Variants in ZNF618 observed in about 807,000 individuals in gnomAD.
ZNF618 encodes zinc finger protein 618.
ZNF618 carries 34 observed loss-of-function variants against 103.0 expected under a neutral mutation model. The observed-to-expected ratio is 0.33, with a 90% confidence interval of 0.25 to 0.44. ZNF618 has a LOEUF of 0.44. Among genes scored for constraint, ZNF618 ranks in the 20% least tolerant of loss-of-function variants. The probability of loss-of-function intolerance (pLI) is 1.00; values close to 1 mark genes in which losing one functional copy is unlikely to be tolerated. For missense variants in ZNF618, 1,059 were observed against 1,295.4 expected (o/e 0.82, Z 2.80); for synonymous variants, 551 against 542.2 (o/e 1.02, Z -0.23).
chr9:113,931,649 C>T (rs1833598865), intron 1 of ZNF618, among the ~76,000 whole-genome samples: 1 of 152,200 alleles, frequency 6.6e-6, no homozygotes, highest in African/African-American at 2.4e-5. Flanking sequence ...GCCCTTGAAA[C>T]TTGGCTAGTC....
intron 10 of ZNF618, among the ~76,000 whole-genome samples, chr9:114,023,653 G>A: frequency 6.6e-6 from 1 of 151,804 alleles, no homozygotes; most frequent in East Asian, 1.9e-4. Flanking sequence ...TATATTGTAG[G>A]TCTATTGGTG....
At chr9:114,006,648 C>A (rs1841782012) in intron 6 of ZNF618, among the ~76,000 whole-genome samples, 1 of 152,186 alleles carries the variant, frequency 6.6e-6, no homozygotes, top group Admixed American at 6.5e-5. Flanking sequence ...CCCTCAGTTT[C>A]TAGGGTCAAG....
chr9:114,022,745 C>G (rs532050257), intron 10 of ZNF618, among the ~76,000 whole-genome samples: 2 of 151,724 alleles, frequency 1.3e-5, no homozygotes, highest in South Asian at 2.1e-4. Context: ...CATCAAAATT[C>G]TCAACTCTAA....
chr9:113,883,539 A>G (rs1158079510), intron 1 of ZNF618, among the ~76,000 whole-genome samples: 2 of 152,158 alleles, frequency 1.3e-5, no homozygotes, highest in African/African-American at 4.8e-5. Flanking sequence ...TGAAGCACCT[A>G]AATGTGTGAT....
At chr9:113,912,631 TA>T (rs1831656281) in intron 1 of ZNF618, among the ~76,000 whole-genome samples, 1 of 152,086 alleles carries the variant, frequency 6.6e-6, no homozygotes, top group Admixed American at 6.6e-5. Flanking sequence ...TAAAGTCTAT[TA>T]AAAAATCAGT....
At chr9:113,899,804 G>T (rs539437497) in intron 1 of ZNF618, among the ~76,000 whole-genome samples, 4 of 152,256 alleles carry the variant, frequency 2.6e-5, no homozygotes, top group South Asian at 2.1e-4. Context: ...CACATGGCAG[G>T]TTCCCTCTTT....
intron 1 of ZNF618, among the ~76,000 whole-genome samples, chr9:113,935,419 A>G (rs997813601): frequency 2.0e-5 from 3 of 152,144 alleles, no homozygotes; most frequent in Non-Finnish European, 4.4e-5. Flanking sequence ...CTGAGCTTCC[A>G]TAAAGGCACA....
chr9:114,008,189 G>A (rs1488202656), intron 7 of ZNF618, among the ~76,000 whole-genome samples, 155 bp from the exon 8 acceptor site: 1 of 152,236 alleles, frequency 6.6e-6, no homozygotes, highest in Non-Finnish European at 1.5e-5. Context: ...GTTTTGGGGG[G>A]CTTCCACAGT....
At chr9:114,029,087 A>T in intron 11 of ZNF618, 115 bp downstream of exon 11, 1 of 1,418,422 alleles carries the variant, frequency 7.1e-7, no homozygotes, top group Non-Finnish European at 9.4e-7. Flanking sequence ...GCAGTCCCGT[A>T]GTGATCTGGG....
chr9:113,955,948 G>A (rs12686147), intron 1 of ZNF618, among the ~76,000 whole-genome samples: 1 of 152,050 alleles, frequency 6.6e-6, no homozygotes, highest in Non-Finnish European at 1.5e-5. Context: ...GTCTGTAAAA[G>A]AGGAGCATCC....
At chr9:113,955,577 A>G (rs866045586) in intron 1 of ZNF618, among the ~76,000 whole-genome samples, 8 of 151,710 alleles carry the variant, frequency 5.3e-5, no homozygotes, top group Non-Finnish European at 8.8e-5. Flanking sequence ...TGATATATTT[A>G]TAGAGATTGT....
chr9:114,036,072 A>G (rs535148262), intron 12 of ZNF618, among the ~76,000 whole-genome samples: 145 of 152,220 alleles, frequency 9.5e-4, no homozygotes, highest in African/African-American at 3.0e-3. Flanking sequence ...TAGCTGCTCA[A>G]TTGAGCTAAT....
chr9:113,941,758 G>A (rs1234919762), intron 1 of ZNF618, among the ~76,000 whole-genome samples: 2 of 127,578 alleles, frequency 1.6e-5, no homozygotes, highest in African/African-American at 5.4e-5. Flanking sequence ...CTTTTATCAG[G>A]ATGTGTCTAG....
chr9:114,050,392 T>G lies in ZNF618; in HGVS notation c.*225T>G. 1 of 505,354 alleles carries G rather than the reference T, an allele frequency of 2.0e-6. No homozygotes were observed. The highest frequency in any genetic ancestry group is 2.9e-5 in the South Asian group (1 of 34,356). 31.3% of individuals were successfully genotyped at this position (505,354 alleles called of 1,614,324 possible). A position where few individuals can be genotyped will look rare whatever the true frequency, so the allele number is the denominator to read the frequency against. The stretch of plus-strand genomic sequence containing the variant: ...AACACGTGCTGTGGTTGTGGGGGTG[T>G]GGGGGGGTCTCTGTGCTCATCTCCA... On this transcript the variant is annotated 3_prime_UTR_variant, in exon 15 of 15. Coordinates refer to ENST00000374126, the MANE Select transcript of ZNF618 (RefSeq NM_001318042.2).
At chr9:113,975,103 T>TC (rs1415609931) in intron 2 of ZNF618, among the ~76,000 whole-genome samples, 3 of 152,266 alleles carry the variant, frequency 2.0e-5, no homozygotes, top group African/African-American at 7.2e-5. Flanking sequence ...GGGTGGCAAT[T>TC]GATTCCTTGT....
chr9:114,007,114 G>A (rs1386026158), intron 6 of ZNF618, among the ~76,000 whole-genome samples: 1 of 152,242 alleles, frequency 6.6e-6, no homozygotes, highest in Non-Finnish European at 1.5e-5. Flanking sequence ...CAAGAGGCAA[G>A]GAGCCCTGGG....
chr9:113,949,735 C>T (rs1045454137), intron 1 of ZNF618, among the ~76,000 whole-genome samples: 3 of 152,236 alleles, frequency 2.0e-5, no homozygotes, highest in African/African-American at 7.2e-5. Context: ...TCCTGCCCGC[C>T]GATGTGTAAG....
chr9:113,915,760 G>A (rs888030718), intron 1 of ZNF618, among the ~76,000 whole-genome samples: 1 of 152,014 alleles, frequency 6.6e-6, no homozygotes, highest in Non-Finnish European at 1.5e-5. Context: ...TAGATGGATG[G>A]ACAGATAGAC....
intron 1 of ZNF618, among the ~76,000 whole-genome samples, chr9:113,886,780 C>T (rs1829106710): frequency 6.6e-6 from 1 of 151,956 alleles, no homozygotes; most frequent in African/African-American, 2.4e-5. Context: ...TTGGTATCCA[C>T]TAGCTGCATG....
Sources: gnomAD v4.1 joint callset for allele counts (sites outside exome capture counted in the v4.1 genomes callset) on GRCh38, gnomAD v4.1.1 for gene constraint, MANE v1.5 for transcripts, NCBI Gene and HGNC (gene_info 2026-07-23, HGNC 2026-07-21) for gene names.